The following WDR64 variants were observed in gnomAD, a reference collection of about 807,000 sequenced individuals.
WDR64 encodes WD repeat domain 64.
In WDR64, 112 loss-of-function variants were observed where a neutral mutation model predicts 139.3. The ratio of observed to expected loss-of-function variants is 0.80; its 90% CI spans 0.69 to 0.94. The LOEUF (loss-of-function observed/expected upper bound fraction) is 0.94. WDR64 is among the 40% of genes least tolerant of loss of function. WDR64 has a pLI of 0.00. For synonymous variants in WDR64, 444 were observed against 437.7 expected (o/e 1.01, Z -0.18); for missense variants, 1,206 against 1,293.1 (o/e 0.93, Z 1.03).
intron 19 of WDR64, among the ~76,000 whole-genome samples, chr1:241,771,901 CATACACACATATACAT>C (rs1658448149): frequency 7.1e-6 from 1 of 141,084 alleles, no homozygotes; most frequent in Non-Finnish European, 1.5e-5. Context: ...TATATACATA[CATACACACATATACAT>C]ATATACATAC....
intron 8 of WDR64, among the ~76,000 whole-genome samples, chr1:241,707,963 C>T (rs1319069789): frequency 6.6e-6 from 1 of 152,158 alleles, no homozygotes; most frequent in African/African-American, 2.4e-5. Flanking sequence ...GTCAACTTTA[C>T]CAGTCGGCCC....
chr1:241,681,115 T>C (rs114942685), intron 6 of WDR64, among the ~76,000 whole-genome samples: 5,883 of 152,012 alleles, frequency 0.039, 154 homozygotes, highest in Non-Finnish European at 0.054. Context: ...TCTTTAAAAA[T>C]TGTTTAAATT....
intron 5 of WDR64, among the ~76,000 whole-genome samples, chr1:241,678,797 C>A (rs931435142): frequency 7.2e-6 from 1 of 139,234 alleles, no homozygotes; most frequent in African/African-American, 2.7e-5. Context: ...AAGAAGGGTG[C>A]CATGCTGCCT....
chr1:241,702,799 T>C (rs990177814), intron 8 of WDR64, among the ~76,000 whole-genome samples: 1 of 152,252 alleles, frequency 6.6e-6, no homozygotes, highest in Non-Finnish European at 1.5e-5. Flanking sequence ...TGGTCATGAA[T>C]AGAGCTGTAA....
chr1:241,775,042 T>C, intron 20 of WDR64, 63 bp from the exon 21 acceptor site: 2 of 1,277,290 alleles, frequency 1.6e-6, no homozygotes, highest in Non-Finnish European at 2.2e-6. Context: ...TCAATTTCAA[T>C]ATTAAGATTT....
At chr1:241,740,342 G>A (rs1208371675) in intron 11 of WDR64, among the ~76,000 whole-genome samples, 1 of 152,140 alleles carries the variant, frequency 6.6e-6, no homozygotes, top group East Asian at 1.9e-4. Flanking sequence ...CTACCAAAAG[G>A]TCCAAGTATG....
intron 16 of WDR64, 70 bp downstream of exon 16, chr1:241,766,421 C>G: frequency 6.6e-7 from 1 of 1,523,502 alleles, no homozygotes. Context: ...ATGCAACACT[C>G]AGGGAAGGGC....
At chr1:241,761,097 C>T (rs1657866867) in intron 15 of WDR64, among the ~76,000 whole-genome samples, 1 of 152,118 alleles carries the variant, frequency 6.6e-6, no homozygotes, top group African/African-American at 2.4e-5. Flanking sequence ...TGCCTATTTC[C>T]CCACAGCCTT....
chr1:241,795,388 ACAGT>A, intron 26 of WDR64, 101 bp downstream of exon 26: 1 of 1,067,518 alleles, frequency 9.4e-7, no homozygotes, highest in Non-Finnish European at 1.4e-6. Context: ...AGAAAATCAT[ACAGT>A]CAGTTGGACC....
At chr1:241,699,220 T>C (rs992795240) in intron 8 of WDR64, among the ~76,000 whole-genome samples, 4 of 152,176 alleles carry the variant, frequency 2.6e-5, no homozygotes, top group Non-Finnish European at 5.9e-5. Flanking sequence ...ATCTTAATTA[T>C]GTTGAAAGAT....
chr1:241,738,551 C>T, intron 11 of WDR64, 62 bp downstream of exon 11: 1 of 1,536,758 alleles, frequency 6.5e-7, no homozygotes, highest in Non-Finnish European at 8.8e-7. Context: ...TTTTTTTAAA[C>T]TAGCACTTGA....
chr1:241,675,012 CCTTTCTT>C, intron 4 of WDR64, among the ~76,000 whole-genome samples: 3 of 31,830 alleles, frequency 9.4e-5, no homozygotes, highest in Non-Finnish European at 2.6e-4. Context: ...TCTCTTCCTT[CCTTTCTT>C]CTTCCTTCCC....
At chr1:241,727,509 A>G (rs1668891216) in intron 10 of WDR64, among the ~76,000 whole-genome samples, 1 of 152,188 alleles carries the variant, frequency 6.6e-6, no homozygotes, top group African/African-American at 2.4e-5. Flanking sequence ...TTTAGCCCAG[A>G]GGGCCATTAT....
intron 14 of WDR64, among the ~76,000 whole-genome samples, chr1:241,755,223 C>A (rs1270967703): frequency 2.0e-5 from 3 of 152,216 alleles, no homozygotes; most frequent in African/African-American, 7.2e-5. Context: ...CATATCCTCT[C>A]CAGCATCTGT....
At chr1:241,773,834 A>G (rs1658553352) in intron 20 of WDR64, among the ~76,000 whole-genome samples, 2 of 152,222 alleles carry the variant, frequency 1.3e-5, no homozygotes, top group Non-Finnish European at 2.9e-5. Context: ...TGAGCTACAA[A>G]TATATGCCAC....
At chr1:241,764,462 G>A (rs1187486893) in intron 15 of WDR64, among the ~76,000 whole-genome samples, 1 of 151,932 alleles carries the variant, frequency 6.6e-6, no homozygotes, top group Non-Finnish European at 1.5e-5. Context: ...AGGCCAGCCT[G>A]GGCAACATAG....
In WDR64 at chr1:241,748,108, C is replaced by T. The variant is rs148961662; in HGVS notation, c.1595-1439C>T. On this transcript the variant is annotated intron_variant, in intron 13 of 27. Coordinates refer to ENST00000437684, the MANE Select transcript of WDR64 (RefSeq NM_001367482.1). ...AGCCACAGAAAGTCCCACCAGCATC[C>T]GTCTTACCGACAAAGCAAAAGCCTA... is the stretch of plus-strand genomic sequence containing the variant. 1.9e-3 allele frequency among the ~76,000 whole-genome samples: 285 copies of T among 152,286 alleles called. 2 individuals are homozygous for T. The highest frequency in any genetic ancestry group is 6.5e-3 in the African/African-American group (272 of 41,564).
chr1:241,767,089 C>T (rs1658207721), intron 16 of WDR64, among the ~76,000 whole-genome samples: 1 of 152,156 alleles, frequency 6.6e-6, no homozygotes, highest in Admixed American at 6.6e-5. Flanking sequence ...CAACCTACTC[C>T]CCGCTCCCAA....
intron 7 of WDR64, among the ~76,000 whole-genome samples, chr1:241,687,001 TATAA>T (rs1667028114): frequency 6.6e-6 from 1 of 152,168 alleles, no homozygotes; most frequent in Non-Finnish European, 1.5e-5. Context: ...TATGCTTGAT[TATAA>T]ATAAACAGTT....
Sources: gnomAD v4.1 joint callset for allele counts (sites outside exome capture counted in the v4.1 genomes callset) on GRCh38, gnomAD v4.1.1 for gene constraint, MANE v1.5 for transcripts, NCBI Gene and HGNC (gene_info 2026-07-23, HGNC 2026-07-21) for gene names.